LAMA2: variants seen among roughly 807,000 people sequenced by gnomAD.
The protein encoded by LAMA2 is laminin subunit alpha 2.
LAMA2 carries 269 observed loss-of-function variants against 364.8 expected under a neutral mutation model. That is an observed-to-expected ratio of 0.74 (90% CI 0.67 to 0.82). The LOEUF is 0.82. LAMA2 is among the 40% of genes least tolerant of loss of function. LAMA2 has a pLI of 0.00. For synonymous variants in LAMA2, 1,379 were observed against 1,370.6 expected (o/e 1.01, Z -0.14); for missense variants, 3,807 against 3,873.2 (o/e 0.98, Z 0.45).
Position 129,297,714 on chromosome 6 carries a change from G to A in LAMA2, c.2886G>A (p.Arg962=), listed in dbSNP as rs748377624. The A allele has an allele frequency of 6.8e-6, 11 of 1,613,874 alleles. No homozygotes were observed. The African/African-American group carries it at 1.5e-4, about 22-fold the overall frequency. Residue 962 remains arginine (R), a synonymous_variant, in exon 21 of 65, where the codon AGG becomes AGA. Coordinates refer to ENST00000421865, the MANE Select transcript of LAMA2 (RefSeq NM_000426.4). The part of the protein sequence containing the change: ...KAGTFGLQSA[R]GCVPCNCNSF... ...GGACCTTTGGCCTACAATCAGCAAG[G>A]GGCTGTGTTCCCTGCAACTGCAATT...
chr6:129,502,611 A>G, intron 58 of LAMA2, 48 bp from the exon 59 acceptor site: 1 of 1,172,462 alleles, frequency 8.5e-7, no homozygotes, highest in South Asian at 1.2e-5. Flanking sequence ...TTACCTTTTT[A>G]AAGAACAGTC....
intron 8 of LAMA2, among the ~76,000 whole-genome samples, chr6:129,154,895 C>T (rs961657223): frequency 5.9e-5 from 9 of 152,138 alleles, no homozygotes; most frequent in African/African-American, 1.9e-4. Flanking sequence ...TTTATCATGG[C>T]TCCTTCCAGT....
intron 27 of LAMA2, 79 bp downstream of exon 27, chr6:129,316,250 G>C: frequency 8.9e-7 from 1 of 1,127,886 alleles, no homozygotes; most frequent in Non-Finnish European, 1.3e-6. Context: ...TATCAGATAA[G>C]AAAGATTGGA....
chr6:129,215,036 A>G (rs938646913), intron 12 of LAMA2, among the ~76,000 whole-genome samples: 1 of 152,184 alleles, frequency 6.6e-6, no homozygotes, highest in Admixed American at 6.5e-5. Flanking sequence ...ATGCTAGTAT[A>G]AATGGTCTTG....
chr6:128,956,469 G>A (rs764105200), intron 1 of LAMA2, among the ~76,000 whole-genome samples: 5 of 151,996 alleles, frequency 3.3e-5, no homozygotes, highest in African/African-American at 4.8e-5. Context: ...AAGAGTGGAG[G>A]TGAAACATAG....
intron 1 of LAMA2, 93 bp from the exon 2 acceptor site, chr6:129,049,825 C>A (rs925192268): frequency 4.3e-6 from 5 of 1,156,098 alleles, no homozygotes; most frequent in South Asian, 3.8e-5. Context: ...CTTTAATGCT[C>A]CGAAAAATAT....
intron 38 of LAMA2, among the ~76,000 whole-genome samples, 188 bp from the exon 39 acceptor site, chr6:129,402,136 G>A (rs939368927): frequency 6.6e-6 from 1 of 150,398 alleles, no homozygotes; most frequent in Non-Finnish European, 1.5e-5. Context: ...TTGAACCAGG[G>A]AGGCAGAGGT....
At chr6:129,158,362 G>A (rs1237180955) in intron 8 of LAMA2, 1 of 1,613,974 alleles carries the variant, frequency 6.2e-7, no homozygotes, top group East Asian at 2.2e-5. Flanking sequence ...CTTTCGCCAT[G>A]CCATTTGCCC....
At chr6:128,911,394 G>C (rs1316452467) in intron 1 of LAMA2, among the ~76,000 whole-genome samples, 1 of 152,180 alleles carries the variant, frequency 6.6e-6, no homozygotes, top group African/African-American at 2.4e-5. Context: ...GGAGTGACCA[G>C]ATTTTCCAGG....
At chr6:129,122,699 T>C (rs768883624) in intron 4 of LAMA2, among the ~76,000 whole-genome samples, 2 of 152,124 alleles carry the variant, frequency 1.3e-5, no homozygotes, top group Non-Finnish European at 2.9e-5. Flanking sequence ...ACTGTGTTGA[T>C]ATACTCCGGT....
intron 1 of LAMA2, chr6:128,929,878 AG>A (rs1779348168): frequency 1.1e-6 from 1 of 923,054 alleles, no homozygotes; most frequent in Non-Finnish European, 1.8e-6. Flanking sequence ...AGTGAAGATC[AG>A]GTGACAGCTG....
chr6:129,148,997 G>C lies in LAMA2; in HGVS notation c.928G>C (p.Glu310Gln), dbSNP rs767885350. 3 of 1,612,998 alleles carry C rather than the reference G, an allele frequency of 1.9e-6. No individual in the cohort carries two copies. The Admixed American group carries it at 5.0e-5, about 27-fold the overall frequency. ...PATNKSRCEC[E>Q]HNTCGDSCDQ... ...TGACTAGAAATCTCGCTGTGAGTGT[G>C]AGCATAACACATGTGGCGATAGCTG... The change falls in exon 7 of 65, where the codon GAG becomes CAG. Residue 310 changes from glutamate to glutamine, a missense_variant. Physicochemically the swap from Glu to Gln is conservative, Grantham distance 29 (BLOSUM62 2). Around this residue, in one of 3 missense-constraint regions of LAMA2, gnomAD observed 394 missense variants for 403.5 expected, o/e 0.98. Coordinates refer to ENST00000421865, the MANE Select transcript of LAMA2 (RefSeq NM_000426.4).
chr6:129,414,775 AT>A (rs1780700004), intron 40 of LAMA2, among the ~76,000 whole-genome samples: 1 of 152,184 alleles, frequency 6.6e-6, no homozygotes, highest in Non-Finnish European at 1.5e-5. Flanking sequence ...GAGGCTGATA[AT>A]TGCAAGCAAC....
chr6:129,357,715 T>C (rs138747734), intron 32 of LAMA2, among the ~76,000 whole-genome samples: 7 of 152,056 alleles, frequency 4.6e-5, no homozygotes, highest in East Asian at 3.9e-4. Flanking sequence ...TAATCAACAT[T>C]GTCGTTTTTA....
chr6:129,341,756 G>A (rs1168823139), intron 29 of LAMA2, among the ~76,000 whole-genome samples: 1 of 152,192 alleles, frequency 6.6e-6, no homozygotes, highest in Non-Finnish European at 1.5e-5. Flanking sequence ...TTGTGGAAAG[G>A]TGTTAAAGGG....
At chr6:129,251,040 TTC>T (rs66896334) in intron 13 of LAMA2, among the ~76,000 whole-genome samples, 1,456 of 61,540 alleles carry the variant, frequency 0.024, 31 homozygotes, top group African/African-American at 0.034. Flanking sequence ...GTCTCTCTCT[TTC>T]TCTCTCTCTC....
intron 1 of LAMA2, among the ~76,000 whole-genome samples, chr6:129,031,438 GTCAA>G (rs1390151231): frequency 6.6e-6 from 1 of 152,118 alleles, no homozygotes; most frequent in African/African-American, 2.4e-5. Flanking sequence ...GCATCAGTTA[GTCAA>G]TCAAACTCCT....
At chr6:128,915,799 A>G (rs944893466) in intron 1 of LAMA2, among the ~76,000 whole-genome samples, 3 of 152,224 alleles carry the variant, frequency 2.0e-5, no homozygotes, top group Non-Finnish European at 4.4e-5. Context: ...CTGTAAGGCT[A>G]CAGTATAAAA....
At chr6:129,156,653 C>T (rs1417463658) in intron 8 of LAMA2, among the ~76,000 whole-genome samples, 6 of 151,860 alleles carry the variant, frequency 4.0e-5, no homozygotes, top group Admixed American at 3.9e-4. Context: ...TCTCTGTAAG[C>T]ATGGTTCATG....
Sources: allele counts gnomAD v4.1 joint callset (sites outside exome capture counted in the v4.1 genomes callset), GRCh38; gene constraint gnomAD v4.1.1; regional missense constraint gnomAD v4.1.1; transcripts MANE v1.5; gene names NCBI Gene and HGNC (gene_info 2026-07-23, HGNC 2026-07-21).